Variants in HK1 observed in about 807,000 individuals in gnomAD.
HK1 encodes hexokinase 1.
A neutral mutation model predicts 91.6 loss-of-function variants in HK1; 28 were observed. That is an observed-to-expected ratio of 0.31 (90% CI 0.23 to 0.42). The LOEUF (loss-of-function observed/expected upper bound fraction) is 0.42, where lower values mean the gene tolerates loss of function less well. Ranked by LOEUF, HK1 falls within the 10% of genes least tolerant of loss-of-function variation. HK1 has a pLI of 1.00. For missense variants in HK1, 770 were observed against 1,219.8 expected, an observed-to-expected ratio of 0.63 and a Z score of 5.49; for synonymous variants, 430 against 468.1, an observed-to-expected ratio of 0.92 and a Z score of 1.05.
intron 3 of HK1, among the ~76,000 whole-genome samples, chr10:69,290,870 TCTC>T (rs1329520224): frequency 1.4e-4 from 21 of 152,250 alleles, no homozygotes; most frequent in African/African-American, 4.8e-4. Flanking sequence ...TCAGCCTCAT[TCTC>T]CTTTGTGGAA....
intron 2 of HK1, among the ~76,000 whole-genome samples, chr10:69,284,026 G>A (rs532541233): frequency 1.3e-5 from 2 of 152,166 alleles, no homozygotes; most frequent in East Asian, 1.9e-4. Flanking sequence ...TGCCATCTAT[G>A]ATTTTTTCTT....
At chr10:69,332,977 ATG>A (rs1320350495) in intron 1 of HK1, among the ~76,000 whole-genome samples, 1 of 152,060 alleles carries the variant, frequency 6.6e-6, no homozygotes, top group African/African-American at 2.4e-5. Context: ...GACCATCTGC[ATG>A]TCTGTGTGCC....
At position 69,318,918 on chromosome 10, in the gene HK1, G is replaced by A. The variant is rs758364443; in HGVS notation, c.-30G>A. On this transcript the variant is annotated 5_prime_UTR_variant, in exon 1 of 18. Transcript: ENST00000359426. ...GCTGCGGAGGACCGACCGTCCCCACGCCTGCCGCCCCGCGACCCCGACCGC... is the reference window on the plus strand; with the variant it reads ...GCTGCGGAGGACCGACCGTCCCCACACCTGCCGCCCCGCGACCCCGACCGC... The A allele has an allele frequency of 1.3e-6, 2 of 1,566,732 alleles. No individual in the cohort carries two copies. Among genetic ancestry groups the A allele is most frequent in the Non-Finnish European group, 8.6e-7 (1 of 1,158,140 alleles).
At chr10:69,271,361 A>G (rs1472819) in intron 1 of HK1, among the ~76,000 whole-genome samples, 59,304 of 151,994 alleles carry the variant, frequency 0.39, 11,874 homozygotes, top group South Asian at 0.51. Context: ...AATTAATGGC[A>G]TGAATTACAT....
chr10:69,377,002 A>G lies in HK1; in HGVS notation c.944A>G (p.Lys315Arg). The change falls in exon 8 of 18, where the codon AAG becomes AGG. Residue 315 changes from lysine to arginine, a missense_variant. Physicochemically the swap from Lys to Arg is conservative, Grantham distance 26. Around this residue, in one of 7 missense-constraint regions of HK1, gnomAD observed 449 missense variants for 665.1 expected, o/e 0.68. Transcript: ENST00000359426. ...LVRLILVKMA[K>R]EGLLFEGRIT... The stretch of plus-strand genomic sequence containing the variant: ...CGACTGATCCTAGTCAAGATGGCCA[A>G]GGAGGGCCTCTTATTTGAAGGGCGG... 4 of 1,614,202 alleles carry G rather than the reference A, an allele frequency of 2.5e-6. No homozygotes were observed. Among genetic ancestry groups the G allele is most frequent in the Non-Finnish European group, 3.4e-6 (4 of 1,180,024 alleles).
chr10:69,363,618 A>G (rs1486611001), intron 3 of HK1, among the ~76,000 whole-genome samples: 1 of 152,130 alleles, frequency 6.6e-6, no homozygotes, highest in African/African-American at 2.4e-5. Context: ...GGCTCAAGTG[A>G]TCCTCCTGCC....
intron 10 of HK1, among the ~76,000 whole-genome samples, chr10:69,383,574 G>A (rs1028601681): frequency 6.6e-6 from 1 of 152,230 alleles, no homozygotes; most frequent in Admixed American, 6.5e-5. Context: ...ATGCATCTGT[G>A]GGTCAGTTGG....
intron 16 of HK1, among the ~76,000 whole-genome samples, chr10:69,397,686 A>G (rs188851540): frequency 1.5e-3 from 229 of 152,356 alleles, no homozygotes; most frequent in Middle Eastern, 3.4e-3. Context: ...TAATGTATGT[A>G]AAATATATGT....
chr10:69,366,432 C>A (rs73267649), intron 4 of HK1, among the ~76,000 whole-genome samples: 23,262 of 152,012 alleles, frequency 0.15, 2,564 homozygotes, highest in African/African-American at 0.31. Context: ...GGAACCCTTA[C>A]ATCTGTAAAA....
upstream of HK1, among the ~76,000 whole-genome samples, chr10:69,316,277 G>C (rs917961357): frequency 5.8e-4 from 89 of 152,300 alleles, 1 homozygote; most frequent in Non-Finnish European, 2.1e-4. Flanking sequence ...GGCTCTCTCA[G>C]GAAGGAGAGG....
In HK1 at chr10:69,379,847, C is replaced by T. The variant is rs376868635; in HGVS notation, c.1032-15C>T. 18 of 1,582,396 alleles carry T rather than the reference C, an allele frequency of 1.1e-5. No homozygotes were observed. The highest frequency in any genetic ancestry group is 1.6e-5 in the Non-Finnish European group (18 of 1,151,218). ...GTGGTCCTCAGTGCATCAGTATTGG[C>T]TTCTAACTTCACAGGAATAAGGAAG... On this transcript the variant is annotated splice_polypyrimidine_tract_variant and intron_variant, in intron 8 of 17. Transcript: ENST00000359426.
At chr10:69,296,921 G>T (rs75519069) in intron 4 of HK1, among the ~76,000 whole-genome samples, 6,785 of 152,234 alleles carry the variant, frequency 0.045, 227 homozygotes, top group Non-Finnish European at 0.064. Context: ...AACCAGAGAG[G>T]GGGTAGGGGG....
intron 17 of HK1, among the ~76,000 whole-genome samples, 175 bp downstream of exon 17, chr10:69,399,003 T>C (rs557212375): frequency 2.0e-4 from 31 of 152,148 alleles, no homozygotes; most frequent in African/African-American, 7.5e-4. Context: ...GTTTGTAGGG[T>C]TTGACTGGGA....
intron 1 of HK1, among the ~76,000 whole-genome samples, chr10:69,320,991 T>C (rs916990453): frequency 6.6e-6 from 1 of 152,180 alleles, no homozygotes; most frequent in Non-Finnish European, 1.5e-5. Flanking sequence ...AGTTTGGGAT[T>C]CTGATGTTCT....
intron 1 of HK1, among the ~76,000 whole-genome samples, chr10:69,329,725 A>G (rs1171227534): frequency 1.3e-5 from 2 of 152,152 alleles, no homozygotes; most frequent in African/African-American, 4.8e-5. Context: ...AGGGAAACAG[A>G]TGCAAGGAGG....
intron 1 of HK1, among the ~76,000 whole-genome samples, chr10:69,272,976 C>T (rs1844245901): frequency 6.6e-6 from 1 of 150,418 alleles, no homozygotes; most frequent in South Asian, 2.1e-4. Context: ...AGTTTTTTTG[C>T]CATTTTTTTT....
upstream of HK1, among the ~76,000 whole-genome samples, chr10:69,314,222 A>T (rs1231029763): frequency 1.3e-5 from 2 of 152,228 alleles, no homozygotes; most frequent in East Asian, 3.8e-4. Context: ...AGATGTTCCC[A>T]TGGAAAGCTA....
chr10:69,352,008 T>G (rs1282815262), intron 2 of HK1, among the ~76,000 whole-genome samples: 1 of 152,024 alleles, frequency 6.6e-6, no homozygotes, highest in Non-Finnish European at 1.5e-5. Flanking sequence ...TTTTTTTTTT[T>G]TTGAGACAGA....
Position 69,302,755 on chromosome 10 carries a change from C to CA in HK1, c.27+1913dup, listed in dbSNP as rs58435739. On this transcript the variant is annotated intron_variant, in intron 5 of 21. Transcript: ENST00000360289. ...TGGGCAAAACTATGGGACCCTGTCT[C>CA]AAAAAAAAAAAAAAAAAAAGTTTGT... is the stretch of plus-strand genomic sequence containing the variant. 2.2e-3 allele frequency among the ~76,000 whole-genome samples: 286 copies of CA among 127,512 alleles called. 2 individuals are homozygous for CA. The Middle Eastern group carries it at 0.023, about 10-fold the overall frequency. The allele number at this position is 127,512 out of a possible 152,430, so 83.7% of individuals were successfully genotyped here. A position where few individuals can be genotyped will look rare whatever the true frequency, so the allele number is the denominator to read the frequency against.
Sources: allele counts gnomAD v4.1 joint callset (sites outside exome capture counted in the v4.1 genomes callset), GRCh38; gene constraint gnomAD v4.1.1; regional missense constraint gnomAD v4.1.1; transcripts MANE v1.5; gene names NCBI Gene and HGNC (gene_info 2026-07-23, HGNC 2026-07-21).